Variants in ALPK2 observed in about 807,000 individuals in gnomAD.
ALPK2 encodes alpha kinase 2.
In ALPK2, 127 loss-of-function variants were observed where a neutral mutation model predicts 163.1. That is an observed-to-expected ratio of 0.78 (90% CI 0.67 to 0.90). The LOEUF is 0.90. Ranked by LOEUF, ALPK2 falls within the 40% of genes least tolerant of loss-of-function variation. The pLI is 0.00. For synonymous variants in ALPK2, 953 were observed against 959.1 expected (o/e 0.99, Z 0.12); for missense variants, 2,360 against 2,589.6 (o/e 0.91, Z 1.92).
At chr18:58,628,034 A>C (rs957015511) in intron 1 of ALPK2, among the ~76,000 whole-genome samples, 1 of 152,168 alleles carries the variant, frequency 6.6e-6, no homozygotes, top group East Asian at 1.9e-4. Context: ...ATGATTGCCA[A>C]ATGTCTGTAA....
rs10689097 is a variant in ALPK2 at position 58,564,123 on chromosome 18, C to CTTTTTTTTTTTTTTTTTTTTTTTTTTTTT, written c.1962+14690_1962+14691insAAAAAAAAAAAAAAAAAAAAAAAAAAAAA. Among the ~76,000 whole-genome samples the CTTTTTTTTTTTTTTTTTTTTTTTTTTTTT allele has an allele frequency of 1.2e-4, 12 of 102,452 alleles. 2 individuals carry two copies. Among genetic ancestry groups the CTTTTTTTTTTTTTTTTTTTTTTTTTTTTT allele is most frequent in the African/African-American group, 5.0e-4 (12 of 24,190 alleles). 67.2% of individuals were successfully genotyped at this position (102,452 alleles called of 152,430 possible). On this transcript the variant is annotated intron_variant, in intron 4 of 12. Coordinates refer to ENST00000361673, the MANE Select transcript of ALPK2 (RefSeq NM_052947.4). ...GAATTGCGTATTTGATGTCTTTGTT[C>CTTTTTTTTTTTTTTTTTTTTTTTTTTTTT]TTTTTTTTTTTTTTTTGAGATGGAG...
At chr18:58,495,582 G>A (rs573521560) in intron 12 of ALPK2, among the ~76,000 whole-genome samples, 1 of 152,124 alleles carries the variant, frequency 6.6e-6, no homozygotes, top group East Asian at 1.9e-4. Context: ...CTGGGTTCCT[G>A]GAAGCTGTTG....
intron 4 of ALPK2, among the ~76,000 whole-genome samples, chr18:58,553,853 T>TG (rs2051773543): frequency 1.5e-4 from 2 of 13,672 alleles, no homozygotes; most frequent in African/African-American, 8.2e-4. Context: ...TTTTTTGGTT[T>TG]TTTTTTTTTT....
chr18:58,596,461 C>T (rs1169203244), intron 3 of ALPK2, among the ~76,000 whole-genome samples: 1 of 152,204 alleles, frequency 6.6e-6, no homozygotes. Context: ...GCAGCTCCAA[C>T]AGGAGAAGAA....
intron 4 of ALPK2, among the ~76,000 whole-genome samples, chr18:58,576,519 G>C (rs2051922602): frequency 6.6e-6 from 1 of 152,200 alleles, no homozygotes; most frequent in Admixed American, 6.5e-5. Flanking sequence ...GTTATGGAGA[G>C]AGTCACCTAT....
At chr18:58,515,342 C>G (rs539463698) in intron 9 of ALPK2, among the ~76,000 whole-genome samples, 1 of 152,192 alleles carries the variant, frequency 6.6e-6, no homozygotes, top group South Asian at 2.1e-4. Flanking sequence ...TAAAATTTCT[C>G]GAGCCGGCAG....
chr18:58,544,934 T>G lies in ALPK2; in HGVS notation c.1963-6710A>C, dbSNP rs369831323. On this transcript the variant is annotated intron_variant, in intron 4 of 12. Transcript: ENST00000361673. ...GGGGCAAAGGGGTCAGTCTGCCTAA[T>G]GAGATGTTCAAGGAATCCCACCAAG... The G allele has an allele frequency of 4.6e-5, 7 of 152,300 alleles. No homozygotes were observed. In the East Asian group the frequency reaches 1.3e-3, roughly 29 times the overall value. 9.4% of individuals were successfully genotyped at this position (152,300 alleles called of 1,614,324 possible). A position where few individuals can be genotyped will look rare whatever the true frequency, so the allele number is the denominator to read the frequency against.
intron 2 of ALPK2, among the ~76,000 whole-genome samples, chr18:58,610,782 C>T (rs2052124606): frequency 1.3e-5 from 2 of 151,604 alleles, no homozygotes; most frequent in Non-Finnish European, 2.9e-5. Context: ...CTCCCCCCGT[C>T]CCTATTAAAA....
intron 4 of ALPK2, among the ~76,000 whole-genome samples, chr18:58,569,264 A>T (rs1354521655): frequency 6.6e-6 from 1 of 152,196 alleles, no homozygotes; most frequent in African/African-American, 2.4e-5. Flanking sequence ...CCTTGGAAGT[A>T]TAGAGAATCA....
intron 3 of ALPK2, among the ~76,000 whole-genome samples, chr18:58,586,651 C>G (rs2051988123): frequency 6.6e-6 from 1 of 151,994 alleles, no homozygotes; most frequent in Non-Finnish European, 1.5e-5. Flanking sequence ...ATTATTTGAC[C>G]TGCCTAGTAA....
chr18:58,566,048 T>C lies in ALPK2; in HGVS notation c.1962+12766A>G, dbSNP rs2051851568. Among the ~76,000 whole-genome samples, 4 of 152,246 alleles carry C rather than the reference T, an allele frequency of 2.6e-5. No homozygotes were observed. The South Asian group carries it at 6.2e-4, about 24-fold the overall frequency. ...CACCTGCCTCGGGCTCCCAAAGTGCTGGGATTATAGGCGTGAGCCACTGCA... is the reference window on the plus strand; with the variant it reads ...CACCTGCCTCGGGCTCCCAAAGTGCCGGGATTATAGGCGTGAGCCACTGCA... On this transcript the variant is annotated intron_variant, in intron 4 of 12. Coordinates refer to ENST00000361673, the MANE Select transcript of ALPK2 (RefSeq NM_052947.4).
intron 3 of ALPK2, among the ~76,000 whole-genome samples, chr18:58,598,100 C>T (rs1453528607): frequency 6.6e-6 from 1 of 152,270 alleles, no homozygotes; most frequent in African/African-American, 2.4e-5. Flanking sequence ...CTGACTATGA[C>T]AGGCAGGGTC....
chr18:58,622,021 T>TAAA (rs2052203340), intron 1 of ALPK2, among the ~76,000 whole-genome samples: 1 of 142,096 alleles, frequency 7.0e-6, no homozygotes, highest in African/African-American at 2.7e-5. Context: ...ATGAGAGGGC[T>TAAA]TAAAAAAAAA....
intron 10 of ALPK2, among the ~76,000 whole-genome samples, chr18:58,504,829 T>C (rs2051453319): frequency 6.6e-6 from 1 of 151,970 alleles, no homozygotes. Context: ...ATAAAGAGCA[T>C]TTGAGTAGAG....
chr18:58,551,626 T>C (rs1182792935), intron 4 of ALPK2, among the ~76,000 whole-genome samples: 1 of 152,200 alleles, frequency 6.6e-6, no homozygotes, highest in Non-Finnish European at 1.5e-5. Context: ...CCATTTACTG[T>C]CCACAATCAG....
chr18:58,579,489 C>A lies in ALPK2; in HGVS notation c.1287G>T (p.Met429Ile), dbSNP rs1448166405. 6.2e-7 allele frequency: 1 copy of A among 1,614,084 alleles called. No individual in the cohort carries two copies. The highest frequency in any genetic ancestry group is 2.2e-5 in the East Asian group (1 of 44,886). Residue 429 changes from methionine to isoleucine, a missense_variant, in exon 4 of 13, where the codon ATG (methionine) becomes ATT (isoleucine). Coordinates refer to ENST00000361673, the MANE Select transcript of ALPK2 (RefSeq NM_052947.4). ...CCTGGTGAGGTCCCAAAATGAGAGT[C>A]ATCCCTGTTTGTGGGGATGAGGGAC... The part of the protein sequence containing the change: ...KHGPSSPQTG[M>I]TLILGPHQDG...
intron 11 of ALPK2, among the ~76,000 whole-genome samples, chr18:58,502,133 TCCACAC>T (rs1443921514): frequency 8.9e-4 from 74 of 83,584 alleles, no homozygotes; most frequent in Non-Finnish European, 1.3e-3. Context: ...AAACCCCATC[TCCACAC>T]ACACACACAC....
At chr18:58,597,363 A>T (rs2052046285) in intron 3 of ALPK2, among the ~76,000 whole-genome samples, 2 of 152,200 alleles carry the variant, frequency 1.3e-5, no homozygotes, top group Admixed American at 1.3e-4. Context: ...AAGAATGAGC[A>T]TTTACTTAGC....
At chr18:58,613,647 C>T (rs528733090) in intron 1 of ALPK2, among the ~76,000 whole-genome samples, 8 of 149,340 alleles carry the variant, frequency 5.4e-5, no homozygotes, top group South Asian at 2.1e-4. Flanking sequence ...TGCGGTGAGC[C>T]GAGATCACGC....
Sources: allele counts gnomAD v4.1 joint callset (sites outside exome capture counted in the v4.1 genomes callset), GRCh38; gene constraint gnomAD v4.1.1; transcripts MANE v1.5; gene names NCBI Gene and HGNC (gene_info 2026-07-23, HGNC 2026-07-21).